Variants in RSF1 observed in about 807,000 individuals in gnomAD.
RSF1 encodes the protein HBV pX-associated protein 8.
A neutral mutation model predicts 145.2 loss-of-function variants in RSF1; 13 were observed. That is an observed-to-expected ratio of 0.09 (90% CI 0.06 to 0.14). RSF1 has a LOEUF of 0.14. RSF1 is among the 10% of genes least tolerant of loss of function. RSF1 has a pLI of 1.00. For missense variants in RSF1, 1,517 were observed against 1,718.2 expected, an observed-to-expected ratio of 0.88 and a Z score of 2.07; for synonymous variants, 577 against 592.6, an observed-to-expected ratio of 0.97 and a Z score of 0.38.
chr11:77,760,200 G>T (rs1295974587), intron 2 of RSF1, among the ~76,000 whole-genome samples: 1 of 152,118 alleles, frequency 6.6e-6, no homozygotes, highest in Non-Finnish European at 1.5e-5. Context: ...ACTGATGATG[G>T]ATACATAAAA....
chr11:77,771,671 C>T (rs1383224224), intron 1 of RSF1, among the ~76,000 whole-genome samples: 1 of 152,146 alleles, frequency 6.6e-6, no homozygotes, highest in Admixed American at 6.5e-5. Flanking sequence ...GATGAAGTTA[C>T]TGAAGAAACA....
chr11:77,726,632 G>C (rs1961059889), intron 4 of RSF1, among the ~76,000 whole-genome samples: 1 of 152,142 alleles, frequency 6.6e-6, no homozygotes, highest in Admixed American at 6.5e-5. Context: ...CCTGGACTAA[G>C]AGTTGGGAAA....
intron 1 of RSF1, among the ~76,000 whole-genome samples, chr11:77,794,250 G>A (rs570373222): frequency 2.0e-5 from 3 of 152,300 alleles, no homozygotes; most frequent in African/African-American, 7.2e-5. Flanking sequence ...TCATCAGCAC[G>A]TGGAACATCT....
At chr11:77,798,673 A>C (rs1024391862) in intron 1 of RSF1, among the ~76,000 whole-genome samples, 1 of 141,548 alleles carries the variant, frequency 7.1e-6, no homozygotes, top group Non-Finnish European at 1.5e-5. Context: ...GGATGAGTTC[A>C]TGTCTTTTGC....
intron 3 of RSF1, among the ~76,000 whole-genome samples, chr11:77,744,669 G>C (rs1170744185): frequency 6.6e-5 from 10 of 152,274 alleles, no homozygotes; most frequent in African/African-American, 2.4e-4. Flanking sequence ...AATCCCACTT[G>C]ATCATGGTGA....
chr11:77,796,821 T>C (rs565477018), intron 1 of RSF1, among the ~76,000 whole-genome samples: 1 of 152,268 alleles, frequency 6.6e-6, no homozygotes, highest in Admixed American at 6.5e-5. Flanking sequence ...TCTCAGGCTA[T>C]AAAATCAATG....
rs780593338 is a variant in RSF1 at position 77,701,633 on chromosome 11, G to A, written c.1596C>T (p.Pro532=). ...GAGAAGTTTCCATTTCTGGAGGATC[G>A]GGTTCCTCTATTTGTGCTTTTTGAC... The part of the protein sequence containing the change: ...IHSQKAQIEE[P]DPPEMETSLD... The change falls in exon 6 of 16, where the codon CCC becomes CCT. Residue 532 remains proline (P), a synonymous_variant. Transcript: ENST00000308488. 142 of 1,614,002 alleles carry A rather than the reference G, an allele frequency of 8.8e-5. 2 individuals are homozygous for A. In the South Asian group the frequency reaches 1.1e-3, roughly 13 times the overall value.
intron 1 of RSF1, among the ~76,000 whole-genome samples, chr11:77,793,237 T>C (rs569721628): frequency 7.9e-4 from 120 of 152,284 alleles, no homozygotes; most frequent in African/African-American, 2.7e-3. Context: ...CCCAGCACTT[T>C]AAGAGGCCAA....
rs188870236 is a variant in RSF1, at chr11:77,744,522, G to A, written c.372+2514C>T. ...ATCTCGCTATGTTGCCCAGGCTGGT[G>A]TTGAACTCCTGGGCTAAAGTGATTC... On this transcript the variant is annotated intron_variant, in intron 3 of 15. Coordinates refer to ENST00000308488, the MANE Select transcript of RSF1 (RefSeq NM_016578.4). Among the ~76,000 whole-genome samples the A allele has an allele frequency of 2.5e-3, 375 of 151,722 alleles. 2 individuals are homozygous for A. The highest frequency in any genetic ancestry group is 4.0e-3 in the Non-Finnish European group (271 of 67,896).
chr11:77,700,613 G>T, intron 6 of RSF1, 108 bp downstream of exon 6: 1 of 741,664 alleles, frequency 1.3e-6, no homozygotes, highest in Non-Finnish European at 2.1e-6. Context: ...GACAGAGGAA[G>T]AAAGATACTT....
Position 77,693,500 on chromosome 11 carries a change from G to C in RSF1, c.2820+7C>G. 6.3e-7 allele frequency: 1 copy of C among 1,575,914 alleles called. No homozygotes were observed. Among genetic ancestry groups the C allele is most frequent in the East Asian group, 2.2e-5 (1 of 44,682 alleles). On this transcript the variant is annotated splice_region_variant and intron_variant, in intron 8 of 15. Coordinates refer to ENST00000308488, the MANE Select transcript of RSF1 (RefSeq NM_016578.4). Reference sequence around the variant, plus strand: ...AAGACTAGAAAAACAAGTGGGCGGGGTCTTACATGTTGGCAAGGTGGGCAG... The same window carrying C: ...AAGACTAGAAAAACAAGTGGGCGGGCTCTTACATGTTGGCAAGGTGGGCAG...
chr11:77,823,214 CAAAAA>C (rs746182266), upstream of RSF1, among the ~76,000 whole-genome samples: 2 of 92,734 alleles, frequency 2.2e-5, no homozygotes, highest in Admixed American at 1.4e-4. Context: ...GACTCCGTCT[CAAAAA>C]AAAAAAAAAA....
chr11:77,749,587 T>A (rs1948039049), intron 2 of RSF1, among the ~76,000 whole-genome samples: 1 of 152,092 alleles, frequency 6.6e-6, no homozygotes, highest in African/African-American at 2.4e-5. Flanking sequence ...AAACAACAAC[T>A]ACTGATTCGC....
At chr11:77,729,232 A>G (rs1464192758) in intron 4 of RSF1, among the ~76,000 whole-genome samples, 1 of 152,164 alleles carries the variant, frequency 6.6e-6, no homozygotes, top group African/African-American at 2.4e-5. Flanking sequence ...TTTCATTCCT[A>G]AAGAAATTCT....
In RSF1 at chr11:77,664,458, T is replaced by C. The variant is rs1348999797; in HGVS notation, c.*2459A>G. The C allele has an allele frequency of 6.6e-6, 1 of 152,196 alleles. No homozygotes were observed. Among genetic ancestry groups the C allele is most frequent in the Non-Finnish European group, 1.5e-5 (1 of 68,040 alleles). The allele number at this position is 152,196 out of a possible 1,614,324, so 9.4% of individuals were successfully genotyped here. On this transcript the variant is annotated 3_prime_UTR_variant, in exon 16 of 16. Coordinates refer to ENST00000308488, the MANE Select transcript of RSF1 (RefSeq NM_016578.4). ...AAGAATTACCTTAGGCTTTCTATAG[T>C]AGAAGAGTAAAAATAACTCCTTATT...
At chr11:77,850,236 CA>C in the RSF1 span, among the ~76,000 whole-genome samples, 5 of 152,186 alleles carry the variant, frequency 3.3e-5, no homozygotes, top group Non-Finnish European at 7.4e-5. Context: ...GTAAGGTCTT[CA>C]AGCAGTATCC....
At chr11:77,725,338 T>A (rs1408496874) in intron 5 of RSF1, among the ~76,000 whole-genome samples, 2 of 152,238 alleles carry the variant, frequency 1.3e-5, no homozygotes, top group Non-Finnish European at 2.9e-5. Flanking sequence ...TTTACTAAGA[T>A]ATTTTTAAAT....
intron 1 of RSF1, among the ~76,000 whole-genome samples, chr11:77,783,118 TAC>T (rs1948420352): frequency 6.6e-6 from 1 of 152,236 alleles, no homozygotes; most frequent in Admixed American, 6.5e-5. Flanking sequence ...TTTAACTCAA[TAC>T]AGTCTACTAT....
chr11:77,715,008 G>C (rs1960773579), intron 5 of RSF1, among the ~76,000 whole-genome samples: 1 of 152,072 alleles, frequency 6.6e-6, no homozygotes. Context: ...CCTGTAGTCT[G>C]AGTTACTCAG....
Sources: gnomAD v4.1 joint callset for allele counts (sites outside exome capture counted in the v4.1 genomes callset) on GRCh38, gnomAD v4.1.1 for gene constraint, MANE v1.5 for transcripts, NCBI Gene and HGNC (gene_info 2026-07-23, HGNC 2026-07-21) for gene names.